Variants in CNGB3 observed in about 807,000 individuals in gnomAD.
The protein encoded by CNGB3 is cyclic nucleotide-gated channel beta-3.
In CNGB3, 86 loss-of-function variants were observed where a neutral mutation model predicts 92.8. That is an observed-to-expected ratio of 0.93 (90% CI 0.78 to 1.11). CNGB3 has a LOEUF of 1.11. CNGB3 is among the 50% of genes least tolerant of loss of function. CNGB3 has a pLI of 0.00. For missense variants in CNGB3, 1,026 were observed against 956.8 expected, an observed-to-expected ratio of 1.07 and a Z score of -0.95; for synonymous variants, 333 against 332.7, an observed-to-expected ratio of 1.00 and a Z score of -0.01.
intron 4 of CNGB3, among the ~76,000 whole-genome samples, chr8:86,670,007 G>A (rs1050706199): frequency 3.9e-5 from 6 of 151,946 alleles, no homozygotes; most frequent in Admixed American, 2.0e-4. Flanking sequence ...GTGCCACCAT[G>A]CCTTTCTGAT....
At chr8:86,643,704 A>G (rs1823235278) in intron 10 of CNGB3, 47 bp downstream of exon 10, 1 of 1,586,798 alleles carries the variant, frequency 6.3e-7, no homozygotes, top group African/African-American at 1.4e-5. Context: ...AATGAAACAG[A>G]ATGTTAAAAA....
intron 13 of CNGB3, among the ~76,000 whole-genome samples, chr8:86,620,383 C>T (rs1162892401): frequency 6.6e-6 from 1 of 152,136 alleles, no homozygotes; most frequent in Non-Finnish European, 1.5e-5. Flanking sequence ...CTCTGCTTGG[C>T]TTGCAGATGG....
chr8:86,622,322 T>G (rs1822753512), intron 13 of CNGB3, among the ~76,000 whole-genome samples: 1 of 152,006 alleles, frequency 6.6e-6, no homozygotes, highest in Non-Finnish European at 1.5e-5. Flanking sequence ...TATTTATTTT[T>G]CTCACAACTA....
chr8:86,589,671 A>C (rs1272795997), intron 15 of CNGB3, among the ~76,000 whole-genome samples: 2 of 152,156 alleles, frequency 1.3e-5, no homozygotes, highest in Non-Finnish European at 2.9e-5. Flanking sequence ...CTTAGTCCTG[A>C]GTTCTAGTTT....
intron 6 of CNGB3, among the ~76,000 whole-genome samples, chr8:86,665,265 A>G (rs1823719219): frequency 6.6e-6 from 1 of 152,220 alleles, no homozygotes; most frequent in South Asian, 2.1e-4. Flanking sequence ...GTCAAAAAAC[A>G]GCTGATGCTG....
chr8:86,611,616 T>C lies in CNGB3; in HGVS notation c.1634A>G (p.Tyr545Cys). The change falls in exon 14 of 18, where the codon TAT becomes TGT. Residue 545 changes from tyrosine (Y) to cysteine (C), a missense_variant. Transcript: ENST00000320005. The stretch of plus-strand genomic sequence containing the variant: ...TTTGCAGACAAAGTCACCAGGCAAA[T>C]AGAGAACGGATTTCAATCTTAGCAA... ...DMLLRLKSVLYLPGDFVCKKG... is the reference protein window; with the variant it reads ...DMLLRLKSVLCLPGDFVCKKG... 1.2e-6 allele frequency: 2 copies of C among 1,613,434 alleles called. No individual in the cohort carries two copies. Among genetic ancestry groups the C allele is most frequent in the East Asian group, 2.2e-5 (1 of 44,808 alleles).
intron 15 of CNGB3, among the ~76,000 whole-genome samples, chr8:86,603,736 G>C (rs4961202): frequency 6.6e-6 from 1 of 151,976 alleles, no homozygotes. Flanking sequence ...ACTAGCCTAC[G>C]CAAGACCCCC....
At chr8:86,645,777 G>T (rs563817743) in intron 8 of CNGB3, among the ~76,000 whole-genome samples, 2 of 151,326 alleles carry the variant, frequency 1.3e-5, no homozygotes, top group South Asian at 2.1e-4. Flanking sequence ...TTTGTTTATT[G>T]TGCTCTTAAT....
At chr8:86,594,095 C>T (rs959826047) in intron 15 of CNGB3, 19 of 308,512 alleles carry the variant, frequency 6.2e-5, no homozygotes, top group Non-Finnish European at 8.4e-5. Context: ...TCCTGGAGGT[C>T]GGGATTGTCC....
rs1354022055 is a variant in CNGB3, at chr8:86,660,539, T to C, written c.852+6386A>G. 1.3e-5 allele frequency: 7 copies of C among 533,896 alleles called. No individual in the cohort carries two copies. The African/African-American group carries it at 1.3e-4, about 10-fold the overall frequency. The allele number at this position is 533,896 out of a possible 1,614,324, so 33.1% of individuals were successfully genotyped here. On this transcript the variant is annotated intron_variant, in intron 6 of 17. Coordinates refer to ENST00000320005, the MANE Select transcript of CNGB3 (RefSeq NM_019098.5). Reference sequence around the variant, plus strand: ...AGAGGGACGATTTTTCTCATGCATCTGTACAATGGAATTATAGGATTGTTG... The same window carrying C: ...AGAGGGACGATTTTTCTCATGCATCCGTACAATGGAATTATAGGATTGTTG...
intron 6 of CNGB3, chr8:86,657,390 G>T: frequency 2.1e-6 from 1 of 466,234 alleles, no homozygotes. Context: ...TTTAGATGAT[G>T]GTGATCTTCA....
At chr8:86,615,666 A>T (rs558431047) in intron 13 of CNGB3, among the ~76,000 whole-genome samples, 10 of 152,248 alleles carry the variant, frequency 6.6e-5, no homozygotes, top group African/African-American at 2.2e-4. Context: ...ATATATTTAA[A>T]TATATGATTA....
intron 3 of CNGB3, among the ~76,000 whole-genome samples, chr8:86,703,136 T>C (rs1231136355): frequency 6.6e-6 from 1 of 152,178 alleles, no homozygotes; most frequent in Admixed American, 6.5e-5. Context: ...TATAATGTCA[T>C]CTTCATTTTT....
At chr8:86,667,421 C>A (rs1823764732) in intron 5 of CNGB3, among the ~76,000 whole-genome samples, 1 of 152,208 alleles carries the variant, frequency 6.6e-6, no homozygotes, top group African/African-American at 2.4e-5. Context: ...CTATTTGGAT[C>A]AGGCAACGAG....
intron 3 of CNGB3, among the ~76,000 whole-genome samples, chr8:86,693,591 GGCCTTCCGCA>G (rs1296879316): frequency 2.6e-4 from 39 of 150,340 alleles, no homozygotes; most frequent in African/African-American, 9.5e-4. Context: ...AGGACCCTGC[GGCCTTCCGCA>G]GTGTTTGTGT....
At chr8:86,710,902 C>T (rs1296062151) in intron 3 of CNGB3, among the ~76,000 whole-genome samples, 1 of 152,044 alleles carries the variant, frequency 6.6e-6, no homozygotes, top group Non-Finnish European at 1.5e-5. Context: ...TCCTGTTGAC[C>T]ACATGCCAGA....
At chr8:86,590,605 G>T (rs1444173909) in intron 15 of CNGB3, among the ~76,000 whole-genome samples, 1 of 151,798 alleles carries the variant, frequency 6.6e-6, no homozygotes, top group East Asian at 1.9e-4. Flanking sequence ...GTGAAGCTTA[G>T]TTTGGCTGGA....
At chr8:86,588,700 G>A (rs1190056852) in intron 15 of CNGB3, among the ~76,000 whole-genome samples, 3 of 148,556 alleles carry the variant, frequency 2.0e-5, no homozygotes, top group East Asian at 2.0e-4. Context: ...ACTTGATCAT[G>A]GTGGATAAGC....
intron 2 of CNGB3, among the ~76,000 whole-genome samples, chr8:86,730,535 T>C (rs1242490077): frequency 7.9e-5 from 12 of 152,182 alleles, no homozygotes; most frequent in Non-Finnish European, 2.9e-5. Flanking sequence ...CACCAGTACC[T>C]GAGTAACTGG....
Sources: allele counts gnomAD v4.1 joint callset (sites outside exome capture counted in the v4.1 genomes callset), GRCh38; gene constraint gnomAD v4.1.1; transcripts MANE v1.5; gene names NCBI Gene and HGNC (gene_info 2026-07-23, HGNC 2026-07-21).